FBN2: variants seen among roughly 807,000 people sequenced by gnomAD.
FBN2 encodes fibrillin-2.
In FBN2, 105 loss-of-function variants were observed where a neutral mutation model predicts 355.6. That is an observed-to-expected ratio of 0.30 (90% CI 0.25 to 0.35). FBN2 has a LOEUF of 0.35. Among genes scored for constraint, FBN2 ranks in the 10% least tolerant of loss-of-function variants. The pLI is 1.00. For missense variants in FBN2, 3,280 were observed against 3,758.7 expected (o/e 0.87, Z 3.33); for synonymous variants, 1,350 against 1,301.2 (o/e 1.04, Z -0.81).
chr5:128,423,498 C>A (rs779869476), intron 7 of FBN2, among the ~76,000 whole-genome samples: 1 of 152,156 alleles, frequency 6.6e-6, no homozygotes, highest in Non-Finnish European at 1.5e-5. Context: ...AAACCCACCA[C>A]CATGATTCAA....
At chr5:128,271,871 T>C in intron 62 of FBN2, 128 bp downstream of exon 62, 1 of 1,092,760 alleles carries the variant, frequency 9.2e-7, no homozygotes, top group Non-Finnish European at 1.4e-6. Flanking sequence ...GCATCAGTCT[T>C]AAGGACTGGG....
chr5:128,357,532 G>A, intron 19 of FBN2, 137 bp from the exon 20 acceptor site: 4 of 1,025,832 alleles, frequency 3.9e-6, no homozygotes, highest in Middle Eastern at 5.3e-4. Flanking sequence ...GAAGCATAAA[G>A]TGAATGGGGA....
At chr5:128,361,693 C>A in intron 19 of FBN2, 30 bp downstream of exon 19, 1 of 1,613,586 alleles carries the variant, frequency 6.2e-7, no homozygotes, top group East Asian at 2.2e-5. Flanking sequence ...ACTCACTATG[C>A]ACAAATAAGG....
intron 3 of FBN2, among the ~76,000 whole-genome samples, chr5:128,529,928 T>C (rs1402815914): frequency 1.3e-5 from 2 of 152,184 alleles, no homozygotes; most frequent in Non-Finnish European, 2.9e-5. Flanking sequence ...AGACATACTA[T>C]ATTACCTTCT....
At chr5:128,335,906 C>A in intron 28 of FBN2, 82 bp downstream of exon 28, 2 of 1,425,928 alleles carry the variant, frequency 1.4e-6, no homozygotes, top group Non-Finnish European at 2.0e-6. Flanking sequence ...ATTTGCATAG[C>A]CTTCATTATA....
At chr5:128,297,375 C>G (rs966475193) in intron 48 of FBN2, among the ~76,000 whole-genome samples, 1 of 152,112 alleles carries the variant, frequency 6.6e-6, no homozygotes, top group Non-Finnish European at 1.5e-5. Context: ...GAGCTGAGTT[C>G]AATTCCTGGG....
intron 55 of FBN2, among the ~76,000 whole-genome samples, chr5:128,285,268 T>C (rs886467967): frequency 3.3e-5 from 5 of 152,178 alleles, no homozygotes; most frequent in Admixed American, 1.3e-4. Context: ...TTATTTTTCA[T>C]CCTGACTTTT....
At position 128,275,968 on chromosome 5, in the gene FBN2, T is replaced by C. The variant is rs1765385244; in HGVS notation, c.7594+70A>G. ...GTGATGCACATGGCATAATTCCTGA[T>C]AATCTAATATTTAAATTTGAAAGAA... On this transcript the variant is annotated intron_variant, in intron 59 of 64. Coordinates refer to ENST00000262464, the MANE Select transcript of FBN2 (RefSeq NM_001999.4). 44 of 1,544,346 alleles carry C rather than the reference T, an allele frequency of 2.8e-5. No homozygotes were observed. The South Asian group carries it at 4.7e-4, about 16-fold the overall frequency.
In FBN2 at chr5:128,261,911, T is replaced by C. The variant is rs200964477; in HGVS notation, c.8193-4A>G. 1.2e-6 allele frequency: 2 copies of C among 1,613,760 alleles called. No individual in the cohort carries two copies. The highest frequency in any genetic ancestry group is 1.7e-6 in the Non-Finnish European group (2 of 1,179,652). ...TCCCATTCCTGAGACACAGTGGCTA[T>C]TTGCAAAAAGCAAAGTATTGTTAGA... On this transcript the variant is annotated splice_polypyrimidine_tract_variant and splice_region_variant and intron_variant, in intron 63 of 64. Coordinates refer to ENST00000262464, the MANE Select transcript of FBN2 (RefSeq NM_001999.4).
intron 1 of FBN2, 125 bp downstream of exon 1, chr5:128,537,225 A>C (rs1756875092): frequency 6.9e-7 from 1 of 1,448,314 alleles, no homozygotes. Flanking sequence ...ATTCTGGCAA[A>C]GGGGGCTGCA....
intron 64 of FBN2, among the ~76,000 whole-genome samples, chr5:128,261,395 T>C (rs182397513): frequency 1.9e-3 from 288 of 152,340 alleles, no homozygotes; most frequent in Non-Finnish European, 3.4e-3. Context: ...TATACATTTA[T>C]AAAACAGAAC....
At chr5:128,393,026 T>C (rs374486074) in intron 10 of FBN2, 109 bp downstream of exon 10, 16 of 873,152 alleles carry the variant, frequency 1.8e-5, no homozygotes, top group Non-Finnish European at 2.7e-5. Context: ...CACACACACA[T>C]GTGCAAGTGT....
chr5:128,274,415 CTA>C, intron 60 of FBN2, 150 bp downstream of exon 60: 1 of 649,976 alleles, frequency 1.5e-6, no homozygotes, highest in Non-Finnish European at 2.7e-6. Flanking sequence ...TTGAAAATAT[CTA>C]TCTTATTAGC....
chr5:128,408,588 A>G (rs990850825), intron 8 of FBN2, 86 bp downstream of exon 8: 6 of 1,478,876 alleles, frequency 4.1e-6, no homozygotes, highest in South Asian at 3.4e-5. Flanking sequence ...TCAATATTTT[A>G]TAATCGTTGC....
At chr5:128,289,070 T>G (rs566280350) in intron 52 of FBN2, 57 bp downstream of exon 52, 2 of 1,593,872 alleles carry the variant, frequency 1.3e-6, no homozygotes, top group African/African-American at 1.3e-5. Flanking sequence ...GACCTTTTAC[T>G]GAATATGAGA....
chr5:128,353,618 G>T (rs1272961954), intron 20 of FBN2, among the ~76,000 whole-genome samples: 1 of 152,136 alleles, frequency 6.6e-6, no homozygotes, highest in South Asian at 2.1e-4. Context: ...TTATCACCTT[G>T]TCATCATTTT....
chr5:128,410,052 A>T (rs1202993935), intron 7 of FBN2, among the ~76,000 whole-genome samples: 1 of 152,188 alleles, frequency 6.6e-6, no homozygotes. Context: ...AAGTTACCAG[A>T]TTCAGACATT....
At chr5:128,385,802 AT>A (rs1581255633) in intron 11 of FBN2, among the ~76,000 whole-genome samples, 1 of 151,820 alleles carries the variant, frequency 6.6e-6, no homozygotes. Flanking sequence ...GGTGCTGAGC[AT>A]TTTTTCATAT....
chr5:128,371,826 C>A (rs916709127), intron 15 of FBN2, among the ~76,000 whole-genome samples: 1 of 152,134 alleles, frequency 6.6e-6, no homozygotes, highest in Non-Finnish European at 1.5e-5. Context: ...AGCCACCATG[C>A]CTGTCCCCTT....
Sources: gnomAD v4.1 joint callset for allele counts (sites outside exome capture counted in the v4.1 genomes callset) on GRCh38, gnomAD v4.1.1 for gene constraint, MANE v1.5 for transcripts, NCBI Gene and HGNC (gene_info 2026-07-23, HGNC 2026-07-21) for gene names.